Variants in SCML2 observed in about 807,000 individuals in gnomAD.
SCML2 encodes the protein Scm polycomb group protein like 2, also known as sex comb on midleg-like protein 2.
A neutral mutation model predicts 48.4 loss-of-function variants in SCML2; 6 were observed. The observed-to-expected ratio is 0.12, with a 90% CI of 0.07 to 0.24. SCML2 has a LOEUF of 0.24. Ranked by LOEUF, SCML2 falls within the 10% of genes least tolerant of loss-of-function variation. The pLI is 1.00. For missense variants in SCML2, 377 were observed against 528.2 expected, an observed-to-expected ratio of 0.71 and a Z score of 2.81; for synonymous variants, 181 against 189.5, an observed-to-expected ratio of 0.95 and a Z score of 0.37.
rs953564945 is a variant in SCML2, at chrX:18,324,148, T to C, written c.163-55A>G. The C allele has an allele frequency of 5.5e-6, 4 of 727,087 alleles. No individual in the cohort carries two copies. In the African/African-American group the frequency reaches 8.6e-5, roughly 16 times the overall value. The allele number at this position is 727,087 out of a possible 1,213,427, so 59.9% of individuals were successfully genotyped here. A position where few individuals can be genotyped will look rare whatever the true frequency, so the allele number is the denominator to read the frequency against. On this transcript the variant is annotated intron_variant, in intron 4 of 14. Transcript: ENST00000251900. Reference sequence around the variant, plus strand: ...TGCATCAACTATAAGAGAAGACACATGGACAGCTATGTCACCAGAATACCT... The same window carrying C: ...TGCATCAACTATAAGAGAAGACACACGGACAGCTATGTCACCAGAATACCT...
Position 18,297,477 on chromosome X carries a change from C to T in SCML2, c.730+7495G>A, listed in dbSNP as rs754011546. ...TGGCTCAAGTGGTTACTTCCTCACA[C>T]GACTTTCTAACCACTAAATTGTCCC... is the stretch of plus-strand genomic sequence containing the variant. On this transcript the variant is annotated intron_variant, in intron 7 of 14. Coordinates refer to ENST00000251900, the MANE Select transcript of SCML2 (RefSeq NM_006089.3). Among the ~76,000 whole-genome samples the T allele has an allele frequency of 3.6e-5, 4 of 111,819 alleles. No individual in the cohort carries two copies. In the Admixed American group the frequency reaches 3.8e-4, roughly 11 times the overall value.
chrX:18,291,745 T>A (rs1928238402), intron 7 of SCML2, among the ~76,000 whole-genome samples: 1 of 110,033 alleles, frequency 9.1e-6, no homozygotes, highest in Non-Finnish European at 1.9e-5. Flanking sequence ...ATGATGTGTT[T>A]AAAAAAAAAG....
intron 3 of SCML2, among the ~76,000 whole-genome samples, chrX:18,329,369 T>A (rs1929583262): frequency 9.0e-6 from 1 of 111,187 alleles, no homozygotes. Flanking sequence ...AACAATTCCG[T>A]GGGGATTACC....
At position 18,267,647 on chromosome X, in the gene SCML2, G is replaced by A. The variant is rs1456104153; in HGVS notation, c.731-1845C>T. ...GTCACCCAGGCTGGAGTGCAGTGGCGCGATCTCAGCTCACTGCAAGCTCCG... is the reference window on the plus strand; with the variant it reads ...GTCACCCAGGCTGGAGTGCAGTGGCACGATCTCAGCTCACTGCAAGCTCCG... On this transcript the variant is annotated intron_variant, in intron 7 of 14. Transcript: ENST00000251900. Among the ~76,000 whole-genome samples the A allele has an allele frequency of 3.7e-5, 4 of 107,184 alleles. No homozygotes were observed. In the South Asian group the frequency reaches 1.3e-3, roughly 34 times the overall value. The allele number at this position is 107,184 out of a possible 115,157, so 93.1% of individuals were successfully genotyped here. A position where few individuals can be genotyped will look rare whatever the true frequency, so the allele number is the denominator to read the frequency against.
chrX:18,284,564 A>C (rs902294939), intron 7 of SCML2, among the ~76,000 whole-genome samples: 3 of 112,267 alleles, frequency 2.7e-5, no homozygotes, highest in African/African-American at 9.7e-5. Context: ...ACAAGCAAAA[A>C]ATAAATAACC....
intron 1 of SCML2, among the ~76,000 whole-genome samples, chrX:18,336,376 T>C (rs1252534808): frequency 9.7e-6 from 1 of 102,816 alleles, no homozygotes; most frequent in Non-Finnish European, 2.0e-5. Context: ...GAGGCGGAGG[T>C]TGCAATGAGC....
In SCML2 at chrX:18,259,272, A is replaced by C. The variant is rs1011642829; in HGVS notation, c.1069+899T>G. On this transcript the variant is annotated intron_variant, in intron 9 of 14. Transcript: ENST00000251900. ...AGTGAGACTGTCTCAAAAAAAAAAA[A>C]AACAACAAAGAAACAAAACATGAGG... 8.1e-5 allele frequency among the ~76,000 whole-genome samples: 9 copies of C among 110,558 alleles called. No individual in the cohort carries two copies. In the East Asian group the frequency reaches 8.4e-4, roughly 10 times the overall value.
At chrX:18,350,444 C>T (rs764156985) in intron 1 of SCML2, among the ~76,000 whole-genome samples, 5 of 109,340 alleles carry the variant, frequency 4.6e-5, no homozygotes, top group Non-Finnish European at 7.6e-5. Context: ...GGCTCGGTGG[C>T]GCACGCCTGT....
At chrX:18,317,615 G>A (rs938439566) in intron 6 of SCML2, among the ~76,000 whole-genome samples, 8 of 110,855 alleles carry the variant, frequency 7.2e-5, no homozygotes, top group African/African-American at 2.6e-4. Flanking sequence ...GGCGGATCAC[G>A]AGGTCAGGAG....
intron 1 of SCML2, among the ~76,000 whole-genome samples, chrX:18,336,518 C>T (rs917222795): frequency 1.9e-5 from 2 of 106,282 alleles, no homozygotes; most frequent in African/African-American, 3.4e-5. Flanking sequence ...GGGGGGATCA[C>T]GAGGTCAGGA....
At chrX:18,244,421 T>A (rs1926370550) in intron 13 of SCML2, among the ~76,000 whole-genome samples, 1 of 112,203 alleles carries the variant, frequency 8.9e-6, no homozygotes, top group Non-Finnish European at 1.9e-5. Flanking sequence ...GTAACTAGTT[T>A]TACAGTTTAC....
intron 6 of SCML2, among the ~76,000 whole-genome samples, chrX:18,319,608 C>CA (rs78459209): frequency 1.4e-3 from 128 of 89,311 alleles, no homozygotes; most frequent in African/African-American, 1.6e-3. Context: ...AAAAAAAAAA[C>CA]AAAAAAAAAA....
chrX:18,301,150 C>A (rs1928574520), intron 7 of SCML2, among the ~76,000 whole-genome samples: 1 of 111,836 alleles, frequency 8.9e-6, no homozygotes, highest in Non-Finnish European at 1.9e-5. Context: ...GTAATCCTAG[C>A]ACGTTGGGAG....
At chrX:18,346,276 T>A (rs970184201) in intron 1 of SCML2, among the ~76,000 whole-genome samples, 7 of 110,801 alleles carry the variant, frequency 6.3e-5, no homozygotes, top group Non-Finnish European at 3.8e-5. Context: ...CTTTCTAGGA[T>A]GTTCATGGTC....
intron 1 of SCML2, among the ~76,000 whole-genome samples, chrX:18,353,437 A>G (rs1397899431): frequency 8.9e-6 from 1 of 111,949 alleles, no homozygotes; most frequent in East Asian, 2.8e-4. Context: ...TGTTTTAGGG[A>G]AAAAAACAAC....
chrX:18,299,826 G>A (rs1221099715), intron 7 of SCML2, among the ~76,000 whole-genome samples: 1 of 107,770 alleles, frequency 9.3e-6, no homozygotes, highest in East Asian at 3.0e-4. Context: ...GGATCTCTTA[G>A]CCCCAGGGCT....
At position 18,320,704 on chromosome X, in the gene SCML2, T is replaced by C. The variant is rs900635226; in HGVS notation, c.398-284A>G. 5.4e-5 allele frequency among the ~76,000 whole-genome samples: 6 copies of C among 111,043 alleles called. No homozygotes were observed. In the East Asian group the frequency reaches 1.7e-3, roughly 32 times the overall value. On this transcript the variant is annotated intron_variant, in intron 5 of 14. Coordinates refer to ENST00000251900, the MANE Select transcript of SCML2 (RefSeq NM_006089.3). ...AACATGTATATAATACAAGGGGTGATCTAAGCTGGAGCCTAGGAGAGCTTC... is the reference window on the plus strand; with the variant it reads ...AACATGTATATAATACAAGGGGTGACCTAAGCTGGAGCCTAGGAGAGCTTC...
chrX:18,300,825 G>A (rs1928564222), intron 7 of SCML2, among the ~76,000 whole-genome samples: 1 of 110,009 alleles, frequency 9.1e-6, no homozygotes, highest in Admixed American at 9.7e-5. Context: ...TCATTAGGTT[G>A]GTTTCCCCAG....
intron 7 of SCML2, among the ~76,000 whole-genome samples, chrX:18,279,775 C>T (rs952116656): frequency 4.5e-5 from 5 of 111,096 alleles, no homozygotes; most frequent in African/African-American, 1.3e-4. Context: ...CTCAAGAGCT[C>T]GAAGACTACT....
Sources: gnomAD v4.1 joint callset for allele counts (sites outside exome capture counted in the v4.1 genomes callset) on GRCh38, gnomAD v4.1.1 for gene constraint, MANE v1.5 for transcripts, NCBI Gene and HGNC (gene_info 2026-07-23, HGNC 2026-07-21) for gene names.